Variants in MICU3 observed in about 807,000 individuals in gnomAD.
MICU3 encodes the protein mitochondrial calcium uptake 3, also known as calcium uptake protein 3, mitochondrial.
A neutral mutation model predicts 66.5 loss-of-function variants in MICU3; 62 were observed. That is an observed-to-expected ratio of 0.93 (90% CI 0.76 to 1.15). MICU3 has a LOEUF of 1.15. MICU3 is among the 50% of genes most tolerant of loss of function. The pLI, the probability that MICU3 is intolerant of heterozygous loss-of-function variation, is 0.00. For missense variants in MICU3, 779 were observed against 664.4 expected (o/e 1.17, Z -1.90); for synonymous variants, 308 against 240.7 (o/e 1.28, Z -2.59).
At chr8:17,089,732 A>G (rs1275391490) in intron 7 of MICU3, among the ~76,000 whole-genome samples, 7 of 151,992 alleles carry the variant, frequency 4.6e-5, no homozygotes, top group Non-Finnish European at 1.0e-4. Flanking sequence ...ATTAGGAGTA[A>G]TGACCACATG....
chr8:17,078,693 G>A, intron 4 of MICU3, among the ~76,000 whole-genome samples: 1 of 151,956 alleles, frequency 6.6e-6, no homozygotes, highest in Middle Eastern at 3.2e-3. Context: ...ATACTTTGAA[G>A]GAGTAGTTAT....
At chr8:17,041,928 T>C (rs546894243) in intron 1 of MICU3, among the ~76,000 whole-genome samples, 31 of 152,276 alleles carry the variant, frequency 2.0e-4, no homozygotes, top group Middle Eastern at 3.4e-3. Context: ...GGAGTAACTA[T>C]GATAGAGGTT....
intron 3 of MICU3, among the ~76,000 whole-genome samples, chr8:17,076,263 G>C (rs1563337339): frequency 6.6e-6 from 1 of 151,996 alleles, no homozygotes; most frequent in Non-Finnish European, 1.5e-5. Flanking sequence ...TAAAACTCTT[G>C]GATTCAAGGG....
At chr8:17,044,101 G>A (rs1041288296) in intron 1 of MICU3, among the ~76,000 whole-genome samples, 3 of 152,172 alleles carry the variant, frequency 2.0e-5, no homozygotes, top group Non-Finnish European at 2.9e-5. Context: ...AACAATTTGT[G>A]TCTTTGTTCC....
At chr8:17,038,292 G>T (rs1050179935) in intron 1 of MICU3, among the ~76,000 whole-genome samples, 1 of 152,110 alleles carries the variant, frequency 6.6e-6, no homozygotes, top group Non-Finnish European at 1.5e-5. Context: ...GAATCGTGGG[G>T]GTGGGTTTTT....
the MICU3 span, chr8:17,131,893 G>C: frequency 1.3e-5 from 2 of 152,198 alleles, no homozygotes; most frequent in Non-Finnish European, 2.9e-5. Context: ...TGGTGAATTT[G>C]GAGCTAAGAG....
chr8:17,045,161 A>G (rs1814846148), intron 1 of MICU3, among the ~76,000 whole-genome samples: 1 of 152,174 alleles, frequency 6.6e-6, no homozygotes, highest in Non-Finnish European at 1.5e-5. Context: ...TCAAAAATAA[A>G]TTATGGAATA....
intron 9 of MICU3, chr8:17,102,415 T>A (rs1370962649): frequency 6.6e-6 from 1 of 152,018 alleles, no homozygotes; most frequent in Non-Finnish European, 1.5e-5. Flanking sequence ...ATCTTATGAC[T>A]ACTAATAAGA....
At chr8:17,083,300 A>C (rs1321830459) in intron 5 of MICU3, among the ~76,000 whole-genome samples, 1 of 152,090 alleles carries the variant, frequency 6.6e-6, no homozygotes, top group Non-Finnish European at 1.5e-5. Flanking sequence ...TAGGTTTTAC[A>C]ATAGTGATGT....
At chr8:17,032,694 G>A (rs1305985365) in intron 1 of MICU3, among the ~76,000 whole-genome samples, 1 of 152,164 alleles carries the variant, frequency 6.6e-6, no homozygotes, top group Admixed American at 6.5e-5. Context: ...TTTGCCAGAT[G>A]CTTACAGGCA....
In MICU3 at chr8:17,100,177, A is replaced by G. The variant is rs73666274; in HGVS notation, c.984+1624A>G. On this transcript the variant is annotated intron_variant, in intron 9 of 14. Transcript: ENST00000318063. ...AAGTGGCCGTGATAGGAGTATGAAT[A>G]CCACAGAAACTGGCCAACATTACAA... 9.2e-3 allele frequency among the ~76,000 whole-genome samples: 1,393 copies of G among 150,704 alleles called. 16 individuals are homozygous for G. Among genetic ancestry groups the G allele is most frequent in the African/African-American group, 0.029 (1,177 of 41,076 alleles).
At chr8:17,080,773 T>G (rs1821069514) in intron 4 of MICU3, among the ~76,000 whole-genome samples, 1 of 152,146 alleles carries the variant, frequency 6.6e-6, no homozygotes, top group South Asian at 2.1e-4. Flanking sequence ...CAGTGACTCC[T>G]CTTCTCTTTG....
chr8:17,042,676 A>G (rs891694362), intron 1 of MICU3, among the ~76,000 whole-genome samples: 2 of 152,200 alleles, frequency 1.3e-5, no homozygotes, highest in Admixed American at 6.5e-5. Context: ...TTAGAAAAGT[A>G]GAATCTATGT....
At chr8:17,095,284 G>A (rs1800549307) in intron 8 of MICU3, among the ~76,000 whole-genome samples, 1 of 151,900 alleles carries the variant, frequency 6.6e-6, no homozygotes, top group South Asian at 2.1e-4. Flanking sequence ...GAAAGTCTCT[G>A]TTCAGATTCT....
chr8:17,088,311 C>G (rs985937277), intron 7 of MICU3, among the ~76,000 whole-genome samples: 3 of 151,874 alleles, frequency 2.0e-5, no homozygotes, highest in African/African-American at 4.8e-5. Flanking sequence ...TAGTAGTTCT[C>G]TACTTAATTC....
chr8:17,027,745 G>C (rs1040916179), intron 1 of MICU3, 85 bp downstream of exon 1: 2 of 1,239,012 alleles, frequency 1.6e-6, no homozygotes, highest in East Asian at 6.3e-5. Flanking sequence ...TGTGGGGACG[G>C]TGCAAGCGCT....
chr8:17,115,687 T>C (rs1431863260), intron 12 of MICU3, among the ~76,000 whole-genome samples: 1 of 152,210 alleles, frequency 6.6e-6, no homozygotes, highest in African/African-American at 2.4e-5. Context: ...GAATAATCTT[T>C]CTTAAAAAAT....
intron 1 of MICU3, among the ~76,000 whole-genome samples, chr8:17,054,198 C>T (rs1816545620): frequency 6.6e-6 from 1 of 152,134 alleles, no homozygotes; most frequent in Admixed American, 6.5e-5. Flanking sequence ...TTTCACATAT[C>T]TAGTTAGAAT....
intron 1 of MICU3, among the ~76,000 whole-genome samples, chr8:17,050,201 T>G (rs1815820477): frequency 6.6e-6 from 1 of 152,160 alleles, no homozygotes; most frequent in Admixed American, 6.5e-5. Context: ...AATGGTACGC[T>G]AAGATTTACT....
Sources: allele counts gnomAD v4.1 joint callset (sites outside exome capture counted in the v4.1 genomes callset), GRCh38; gene constraint gnomAD v4.1.1; transcripts MANE v1.5; gene names NCBI Gene and HGNC (gene_info 2026-07-23, HGNC 2026-07-21).